ZNF141: variants seen among roughly 807,000 people sequenced by gnomAD.
ZNF141 encodes zinc finger protein 141.
ZNF141 carries 7 observed loss-of-function variants against 11.3 expected under a neutral mutation model. The observed-to-expected ratio is 0.62, with a 90% CI of 0.35 to 1.16. ZNF141 has a LOEUF of 1.16. Among genes scored for constraint, ZNF141 ranks in the 50% most tolerant of loss-of-function variants. The pLI, the probability that ZNF141 is intolerant of heterozygous loss-of-function variation, is 0.02. For missense variants in ZNF141, 535 were observed against 554.0 expected (o/e 0.97, Z 0.34); for synonymous variants, 183 against 190.7 (o/e 0.96, Z 0.33).
Position 383,005 on chromosome 4 carries a change from T to C in ZNF141, c.*9143T>C. 1.9e-6 allele frequency: 1 copy of C among 522,792 alleles called. No homozygotes were observed. Among genetic ancestry groups the C allele is most frequent in the East Asian group, 3.1e-5 (1 of 32,240 alleles). 32.4% of individuals were successfully genotyped at this position (522,792 alleles called of 1,614,324 possible). On this transcript the variant is annotated 3_prime_UTR_variant, in exon 4 of 4. Coordinates refer to ENST00000240499, the MANE Select transcript of ZNF141 (RefSeq NM_003441.4). ...GAGACAGATTCTGTTTCCCAAACCTTGAACTTCTCTTGACTTATCTGCACT... is the reference window on the plus strand; with the variant it reads ...GAGACAGATTCTGTTTCCCAAACCTCGAACTTCTCTTGACTTATCTGCACT...
chr4:369,870 G>A (rs137878460), intron 3 of ZNF141, among the ~76,000 whole-genome samples: 2,097 of 147,942 alleles, frequency 0.014, 49 homozygotes, highest in African/African-American at 0.047. Context: ...GGGTTCAAGC[G>A]ATTCTCCTGC....
At chr4:347,176 T>G (rs1233353972) in intron 3 of ZNF141, among the ~76,000 whole-genome samples, 3 of 151,314 alleles carry the variant, frequency 2.0e-5, no homozygotes, top group Non-Finnish European at 4.4e-5. Flanking sequence ...TAGCTGGAAT[T>G]ACAGGCATGT....
At chr4:340,395 C>G (rs1720989979) in intron 1 of ZNF141, among the ~76,000 whole-genome samples, 2 of 152,352 alleles carry the variant, frequency 1.3e-5, no homozygotes, top group Admixed American at 1.3e-4. Flanking sequence ...GGATAGCGAT[C>G]AGTTTTTCCA....
chr4:380,812 C>A lies in ZNF141; in HGVS notation c.*6950C>A, dbSNP rs1417012234. Among the ~76,000 whole-genome samples the A allele has an allele frequency of 6.6e-6, 1 of 152,170 alleles. No individual in the cohort carries two copies. The highest frequency in any genetic ancestry group is 1.5e-5 in the Non-Finnish European group (1 of 68,034). On this transcript the variant is annotated 3_prime_UTR_variant, in exon 4 of 4. Coordinates refer to ENST00000240499, the MANE Select transcript of ZNF141 (RefSeq NM_003441.4). The stretch of plus-strand genomic sequence containing the variant: ...TAACACTTATTACAGTAAAATCCCT[C>A]TTCAGACACAAAATACATGATTATC...
rs782413499 is a variant in ZNF141, at chr4:344,425, C to G, written c.221C>G (p.Pro74Arg). The G allele has an allele frequency of 6.9e-6, 11 of 1,604,660 alleles. No individual in the cohort carries two copies. The highest frequency in any genetic ancestry group is 3.4e-6 in the Non-Finnish European group (4 of 1,173,694). The change falls in exon 3 of 4, where the codon CCC (proline) becomes CGC (arginine). Residue 74 changes from proline (P) to arginine (R), a missense_variant. By Grantham distance (103) the Pro-to-Arg change is moderately radical. Transcript: ENST00000240499. Reference protein sequence around the residue: ...NVKIHKIVARPPAMCSHFTQD... With the variant: ...NVKIHKIVARRPAMCSHFTQD... ...AAGATACATAAGATCGTAGCCAGAC[C>G]CCCAGGTAGGTGAGAGTGAATGGAG...
rs1712474433 is a variant in ZNF141, at chr4:378,584, G to C, written c.*4722G>C. On this transcript the variant is annotated 3_prime_UTR_variant, in exon 4 of 4. Coordinates refer to ENST00000240499, the MANE Select transcript of ZNF141 (RefSeq NM_003441.4). ...TGCCTGGCCAGAATATTATATCTTT[G>C]AGTGTGAATGTTAAATGGTGGAAAA... Among the ~76,000 whole-genome samples, 1 of 152,060 alleles carries C rather than the reference G, an allele frequency of 6.6e-6. No homozygotes were observed. The highest frequency in any genetic ancestry group is 2.1e-4 in the South Asian group (1 of 4,822).
intron 3 of ZNF141, among the ~76,000 whole-genome samples, chr4:360,474 A>C (rs1447735675): frequency 6.6e-6 from 1 of 152,126 alleles, no homozygotes; most frequent in Non-Finnish European, 1.5e-5. Context: ...ACAGTTGAAA[A>C]CTAGTTATTT....
chr4:355,871 T>C lies in ZNF141; in HGVS notation c.226+11441T>C, dbSNP rs1459047217. Among the ~76,000 whole-genome samples the C allele has an allele frequency of 3.9e-5, 6 of 152,172 alleles. No individual in the cohort carries two copies. In the South Asian group the frequency reaches 1.2e-3, roughly 31 times the overall value. ...AACATGACCAAAGTCTTGAGGATGA[T>C]GGAAGGTGTACACCAGAGCTCACTT... On this transcript the variant is annotated intron_variant, in intron 3 of 3. Coordinates refer to ENST00000240499, the MANE Select transcript of ZNF141 (RefSeq NM_003441.4).
chr4:343,724 CAAAAA>C (rs35268031), intron 1 of ZNF141, 53 bp from the exon 2 acceptor site: 1,229 of 873,338 alleles, frequency 1.4e-3, no homozygotes, highest in East Asian at 2.3e-3. Flanking sequence ...GACTCCGTCT[CAAAAA>C]AAAAAAAAAA....
At position 382,423 on chromosome 4, in the gene ZNF141, G is replaced by C. The variant is rs540197778; in HGVS notation, c.*8561G>C. On this transcript the variant is annotated 3_prime_UTR_variant, in exon 4 of 4. Coordinates refer to ENST00000240499, the MANE Select transcript of ZNF141 (RefSeq NM_003441.4). ...GTCACTTGCCTGCAGAGCAAAAGTT[G>C]ATTCAGGAACAGTAATTTGACTTTG... Among the ~76,000 whole-genome samples the C allele has an allele frequency of 6.6e-6, 1 of 152,254 alleles. No individual in the cohort carries two copies. Among genetic ancestry groups the C allele is most frequent in the East Asian group, 1.9e-4 (1 of 5,184 alleles).
chr4:380,904 C>T lies in ZNF141; in HGVS notation c.*7042C>T, dbSNP rs183181693. Among the ~76,000 whole-genome samples the T allele has an allele frequency of 3.3e-5, 5 of 152,136 alleles. No individual in the cohort carries two copies. Among genetic ancestry groups the T allele is most frequent in the African/African-American group, 9.6e-5 (4 of 41,488 alleles). The stretch of plus-strand genomic sequence containing the variant: ...TGTTGTCATATATGTGTGTGCAAAA[C>T]GTATAAAATATACAGAAAAGAGAAA... On this transcript the variant is annotated 3_prime_UTR_variant, in exon 4 of 4. Coordinates refer to ENST00000240499, the MANE Select transcript of ZNF141 (RefSeq NM_003441.4).
At chr4:354,411 G>T (rs1721753415) in intron 3 of ZNF141, among the ~76,000 whole-genome samples, 1 of 152,156 alleles carries the variant, frequency 6.6e-6, no homozygotes, top group African/African-American at 2.4e-5. Context: ...AAATGTAAAT[G>T]CAAAATAGAA....
Position 348,608 on chromosome 4 carries a change from G to A in ZNF141, c.226+4178G>A, listed in dbSNP as rs539537661. ...TGGGCGCTTGTAATCCCAGCTACTCGGGAAGCTGAGGCAGGAGAATCACTT... is the reference window on the plus strand; with the variant it reads ...TGGGCGCTTGTAATCCCAGCTACTCAGGAAGCTGAGGCAGGAGAATCACTT... On this transcript the variant is annotated intron_variant, in intron 3 of 3. Transcript: ENST00000240499. 6.6e-5 allele frequency among the ~76,000 whole-genome samples: 10 copies of A among 151,944 alleles called. No individual in the cohort carries two copies. In the South Asian group the frequency reaches 1.7e-3, roughly 25 times the overall value.
chr4:344,567 A>G, intron 3 of ZNF141, 137 bp downstream of exon 3: 4 of 581,050 alleles, frequency 6.9e-6, no homozygotes, highest in Non-Finnish European at 8.9e-6. Flanking sequence ...AGGCCGAGGC[A>G]GGCGGATCAC....
Position 344,326 on chromosome 4 carries a change from A to C in ZNF141, c.131-9A>C, listed in dbSNP as rs76078467. The C allele has an allele frequency of 1.2e-6, 2 of 1,604,010 alleles. No homozygotes were observed. Among genetic ancestry groups the C allele is most frequent in the African/African-American group, 2.7e-5 (2 of 74,630 alleles). On this transcript the variant is annotated splice_polypyrimidine_tract_variant and intron_variant, in intron 2 of 3. Coordinates refer to ENST00000240499, the MANE Select transcript of ZNF141 (RefSeq NM_003441.4). ...TAGTCATGTTATTATTTTTTTTAAA[A>C]TAAAACAGGTGTTGCTATCTCTAAC...
At chr4:364,824 A>G (rs1338739334) in intron 3 of ZNF141, among the ~76,000 whole-genome samples, 3 of 152,164 alleles carry the variant, frequency 2.0e-5, no homozygotes, top group African/African-American at 7.2e-5. Context: ...CCATTCTCAG[A>G]TCTCAAACAC....
rs1259135370 is a variant in ZNF141, at chr4:375,496, GAA to G, written c.*1635_*1636del. 2.6e-5 allele frequency among the ~76,000 whole-genome samples: 4 copies of G among 151,956 alleles called. No individual in the cohort carries two copies. The highest frequency in any genetic ancestry group is 2.1e-4 in the South Asian group (1 of 4,824). ...TGTGAAGAAATATTTAGTCTAAAAA[GAA>G]GAGTATGTAAACATCAGAGGATTTA... On this transcript the variant is annotated 3_prime_UTR_variant, in exon 4 of 4. Transcript: ENST00000240499.
intron 3 of ZNF141, among the ~76,000 whole-genome samples, chr4:363,774 C>T (rs868975454): frequency 2.0e-5 from 3 of 148,642 alleles, no homozygotes; most frequent in East Asian, 2.0e-4. Flanking sequence ...AAAAAAAAGG[C>T]GGGGGGGAAT....
intron 1 of ZNF141, 154 bp downstream of exon 1, chr4:338,140 C>A: frequency 1.0e-6 from 1 of 962,156 alleles, no homozygotes; most frequent in Non-Finnish European, 1.5e-6. Context: ...GGGCTCCTGT[C>A]GGTCCCCGCA....
Sources: allele counts gnomAD v4.1 joint callset (sites outside exome capture counted in the v4.1 genomes callset), GRCh38; gene constraint gnomAD v4.1.1; transcripts MANE v1.5; gene names NCBI Gene and HGNC (gene_info 2026-07-23, HGNC 2026-07-21).